The following RPS6KC1 variants were observed in gnomAD, a reference collection of about 807,000 sequenced individuals.
RPS6KC1 encodes the protein ribosomal protein S6 kinase C1.
Under a neutral mutation model 103.8 loss-of-function variants are expected in RPS6KC1, and 54 were observed. That is an observed-to-expected ratio of 0.52 (90% CI 0.42 to 0.65). The LOEUF is 0.65. Among genes scored for constraint, RPS6KC1 ranks in the 30% least tolerant of loss-of-function variants. RPS6KC1 has a pLI of 0.00. For missense variants in RPS6KC1, 1,151 were observed against 1,253.8 expected (o/e 0.92, Z 1.24); for synonymous variants, 439 against 438.7 (o/e 1.00, Z -0.01).
the RPS6KC1 span, among the ~76,000 whole-genome samples, chr1:213,682,467 A>G: frequency 6.6e-6 from 1 of 152,252 alleles, no homozygotes. Flanking sequence ...TACTTACAAT[A>G]GAGTGGAATA....
intron 12 of RPS6KC1, among the ~76,000 whole-genome samples, chr1:213,254,539 C>T (rs1408979229): frequency 1.3e-5 from 2 of 152,190 alleles, no homozygotes; most frequent in African/African-American, 4.8e-5. Context: ...GAGAAAGGCT[C>T]ATGAGTGCTT....
chr1:213,626,539 C>T, the RPS6KC1 span, among the ~76,000 whole-genome samples: 1 of 152,126 alleles, frequency 6.6e-6, no homozygotes, highest in African/African-American at 2.4e-5. Context: ...AGGTTTTCTT[C>T]TAGGGTTTTT....
chr1:213,618,268 A>C, the RPS6KC1 span, among the ~76,000 whole-genome samples: 1 of 152,238 alleles, frequency 6.6e-6, no homozygotes, highest in South Asian at 2.1e-4. Context: ...GAATAATATC[A>C]AAACAATGTG....
At chr1:213,639,751 A>C in the RPS6KC1 span, among the ~76,000 whole-genome samples, 2 of 151,960 alleles carry the variant, frequency 1.3e-5, no homozygotes, top group South Asian at 2.1e-4. Context: ...AATAAACCCT[A>C]CTTAATTGTG....
chr1:213,407,228 A>G, the RPS6KC1 span, among the ~76,000 whole-genome samples: 10 of 151,458 alleles, frequency 6.6e-5, 1 homozygote, highest in South Asian at 1.2e-3. Context: ...GCACACACAC[A>G]CACACACACA....
At chr1:213,457,114 A>G in the RPS6KC1 span, among the ~76,000 whole-genome samples, 1 of 152,188 alleles carries the variant, frequency 6.6e-6, no homozygotes, top group Non-Finnish European at 1.5e-5. Flanking sequence ...AGGTCACCCT[A>G]TATCTGTGAG....
At chr1:213,115,619 T>C (rs1232651328) in intron 4 of RPS6KC1, among the ~76,000 whole-genome samples, 6 of 152,090 alleles carry the variant, frequency 3.9e-5, no homozygotes, top group Non-Finnish European at 5.9e-5. Context: ...TTGCTCTTGC[T>C]TTTCTAGTTC....
the RPS6KC1 span, among the ~76,000 whole-genome samples, chr1:213,770,084 G>A: frequency 6.6e-6 from 1 of 152,150 alleles, no homozygotes; most frequent in South Asian, 2.1e-4. Context: ...TCTCTGTTCT[G>A]GGTAAGATTC....
At chr1:213,530,032 TTTATTATTATTA>T in the RPS6KC1 span, among the ~76,000 whole-genome samples, 143 of 149,042 alleles carry the variant, frequency 9.6e-4, no homozygotes, top group Middle Eastern at 6.9e-3. Context: ...CTTCACTTCT[TTTATTATTATTA>T]TTATTATTAT....
At chr1:213,450,247 C>T in the RPS6KC1 span, among the ~76,000 whole-genome samples, 8 of 151,972 alleles carry the variant, frequency 5.3e-5, no homozygotes, top group African/African-American at 1.9e-4. Flanking sequence ...ATCAACTAGT[C>T]CCTAGTAAGT....
chr1:213,648,195 C>T, the RPS6KC1 span, among the ~76,000 whole-genome samples: 3 of 152,118 alleles, frequency 2.0e-5, no homozygotes, highest in Non-Finnish European at 4.4e-5. Context: ...GTGGTGCTTC[C>T]CTAAAAAGTT....
At chr1:213,619,446 T>C in the RPS6KC1 span, among the ~76,000 whole-genome samples, 3 of 152,216 alleles carry the variant, frequency 2.0e-5, no homozygotes, top group East Asian at 5.8e-4. Flanking sequence ...TTTACATCTA[T>C]TAAAATCCAC....
At chr1:213,616,456 A>G in the RPS6KC1 span, among the ~76,000 whole-genome samples, 1 of 152,154 alleles carries the variant, frequency 6.6e-6, no homozygotes, top group Non-Finnish European at 1.5e-5. Context: ...GTTGGGCTGG[A>G]GGTCGAAGAA....
At position 213,051,370 on chromosome 1, in the gene RPS6KC1, G is replaced by A; in HGVS notation, c.-35G>A. 3 of 1,532,006 alleles carry A rather than the reference G, an allele frequency of 2.0e-6. No homozygotes were observed. Among genetic ancestry groups the A allele is most frequent in the Non-Finnish European group, 2.7e-6 (3 of 1,108,640 alleles). 94.9% of individuals were successfully genotyped at this position (1,532,006 alleles called of 1,614,324 possible). A position where few individuals can be genotyped will look rare whatever the true frequency, so the allele number is the denominator to read the frequency against. On this transcript the variant is annotated 5_prime_UTR_variant, in exon 1 of 15. Transcript: ENST00000366960. ...GGCGCCGGGTTTCCCTCATGATCCC[G>A]GGCGGGTGGCGGCGGCGGCAGAGGC...
the RPS6KC1 span, among the ~76,000 whole-genome samples, chr1:213,449,313 C>G: frequency 1.3e-5 from 2 of 152,178 alleles, no homozygotes; most frequent in South Asian, 4.1e-4. Flanking sequence ...GCTGCCACAG[C>G]GAAAGACCAC....
chr1:213,470,720 A>G, the RPS6KC1 span, among the ~76,000 whole-genome samples: 1 of 150,546 alleles, frequency 6.6e-6, no homozygotes, highest in African/African-American at 2.5e-5. Context: ...TCCTGGGCTC[A>G]AGCAATCCGC....
At chr1:213,596,851 T>G in the RPS6KC1 span, among the ~76,000 whole-genome samples, 7 of 152,226 alleles carry the variant, frequency 4.6e-5, no homozygotes, top group African/African-American at 1.4e-4. Context: ...GAGATACATA[T>G]CGAGTAAAAC....
At chr1:213,593,808 G>A in the RPS6KC1 span, among the ~76,000 whole-genome samples, 1 of 152,114 alleles carries the variant, frequency 6.6e-6, no homozygotes, top group Non-Finnish European at 1.5e-5. Flanking sequence ...AATGGCTATT[G>A]GGCTATTGGG....
the RPS6KC1 span, among the ~76,000 whole-genome samples, chr1:213,297,852 G>A: frequency 1.3e-5 from 2 of 152,138 alleles, no homozygotes; most frequent in African/African-American, 4.8e-5. Context: ...CAAACTCCTG[G>A]CCTCAAATGA....
Sources: allele counts gnomAD v4.1 joint callset (sites outside exome capture counted in the v4.1 genomes callset), GRCh38; gene constraint gnomAD v4.1.1; transcripts MANE v1.5; gene names NCBI Gene and HGNC (gene_info 2026-07-23, HGNC 2026-07-21).